Variants in LARP4B observed in about 807,000 individuals in gnomAD.
The protein encoded by LARP4B is la-related protein 4B.
In LARP4B, 12 loss-of-function variants were observed where a neutral mutation model predicts 89.8. That is an observed-to-expected ratio of 0.13 (90% confidence interval 0.09 to 0.22). The LOEUF (loss-of-function observed/expected upper bound fraction) is 0.22. Among genes scored for constraint, LARP4B ranks in the 10% least tolerant of loss-of-function variants. The pLI, the probability that LARP4B is intolerant of heterozygous loss-of-function variation, is 1.00. For missense variants in LARP4B, 757 were observed against 947.7 expected (o/e 0.80, Z 2.64); for synonymous variants, 367 against 363.3 (o/e 1.01, Z -0.12).
At chr10:909,061 G>A (rs1420915654) in intron 1 of LARP4B, among the ~76,000 whole-genome samples, 5 of 152,050 alleles carry the variant, frequency 3.3e-5, no homozygotes, top group South Asian at 4.2e-4. Context: ...TTGGGAGGCT[G>A]AGGCGGGCAG....
chr10:921,712 TAC>T (rs1836984446), intron 1 of LARP4B, among the ~76,000 whole-genome samples: 1 of 152,220 alleles, frequency 6.6e-6, no homozygotes, highest in African/African-American at 2.4e-5. Context: ...TCAATGCTTC[TAC>T]AGTTTATTTG....
At chr10:849,507 GTAAA>G (rs1259308721) in intron 5 of LARP4B, among the ~76,000 whole-genome samples, 4 of 152,166 alleles carry the variant, frequency 2.6e-5, no homozygotes, top group Non-Finnish European at 5.9e-5. Flanking sequence ...AGTTGAATAA[GTAAA>G]TAAATAAAGG....
At chr10:856,707 C>A (rs919438750) in intron 5 of LARP4B, among the ~76,000 whole-genome samples, 6 of 152,162 alleles carry the variant, frequency 3.9e-5, no homozygotes, top group African/African-American at 1.4e-4. Flanking sequence ...TCGATCAGGT[C>A]CTCACAGGGA....
At chr10:858,958 C>A (rs1174462265) in intron 5 of LARP4B, among the ~76,000 whole-genome samples, 1 of 152,028 alleles carries the variant, frequency 6.6e-6, no homozygotes, top group East Asian at 1.9e-4. Context: ...TCGAACCCAG[C>A]CTGGACAACA....
chr10:873,235 A>C, intron 3 of LARP4B: 1 of 985,404 alleles, frequency 1.0e-6, no homozygotes, highest in Non-Finnish European at 1.2e-6. Flanking sequence ...TCTGAGGAGA[A>C]GCCAACACCC....
chr10:898,599 GA>G (rs1836253240), intron 1 of LARP4B, among the ~76,000 whole-genome samples: 2 of 152,256 alleles, frequency 1.3e-5, no homozygotes, highest in East Asian at 3.9e-4. Flanking sequence ...TAATTTCTAA[GA>G]AAATCAAAAT....
rs1260886669 is a variant in LARP4B, at chr10:814,763, C to T, written c.1908G>A (p.Val636=). 1 of 1,599,800 alleles carries T rather than the reference C, an allele frequency of 6.3e-7. No individual in the cohort carries two copies. Residue 636 remains valine (V), a synonymous_variant, in exon 17 of 18, where the codon GTG becomes GTA. Coordinates refer to ENST00000316157, the MANE Select transcript of LARP4B (RefSeq NM_015155.3). This position sits in a 1 kb window ranked among gnomAD's most constrained non-coding sequence, Gnocchi z 4.4. ...SALTATACKS[V]QVNGAATELR... ...GTACCGTGGCGGCTCCGTTCACCTG[C>T]ACCGATTTACACGCGGTCGCAGTGA...
intron 3 of LARP4B, chr10:870,048 C>T (rs1167033956): frequency 1.0e-6 from 1 of 985,618 alleles, no homozygotes; most frequent in Non-Finnish European, 1.2e-6. Context: ...CCCCAAACAA[C>T]ACCGTCCTCT....
chr10:847,901 G>A (rs955192358), intron 5 of LARP4B, among the ~76,000 whole-genome samples: 2 of 152,206 alleles, frequency 1.3e-5, no homozygotes, highest in Admixed American at 6.5e-5. Context: ...CTGTGCCCAG[G>A]GAGTGGGAAG....
the LARP4B span, among the ~76,000 whole-genome samples, chr10:947,415 C>G: frequency 6.6e-6 from 1 of 152,066 alleles, no homozygotes; most frequent in Non-Finnish European, 1.5e-5. Flanking sequence ...GAGGCCATCA[C>G]AACCCCGTCC....
chr10:912,162 G>C (rs1001725005), intron 1 of LARP4B, among the ~76,000 whole-genome samples: 7 of 152,154 alleles, frequency 4.6e-5, no homozygotes, highest in African/African-American at 1.7e-4. Context: ...ATTAATAAAA[G>C]TGGAATCCTT....
Position 887,090 on chromosome 10 carries a change from T to TCA in LARP4B, c.-39-1332_-39-1331dup, listed in dbSNP as rs35099061. ...CAACAAGAGTGAAACTCCACCTCACTCACACACACACACACACACAAAATG... is the reference window on the plus strand; with the variant it reads ...CAACAAGAGTGAAACTCCACCTCACTCACACACACACACACACACACAAAATG... On this transcript the variant is annotated intron_variant, in intron 1 of 17. Coordinates refer to ENST00000316157, the MANE Select transcript of LARP4B (RefSeq NM_015155.3). Among the ~76,000 whole-genome samples the TCA allele has an allele frequency of 1.7e-3, 258 of 148,618 alleles. 1 individual carries two copies. The highest frequency in any genetic ancestry group is 0.013 in the South Asian group (63 of 4,690).
chr10:852,567 AACCCAAACGTTT>A (rs1304297560), intron 5 of LARP4B, among the ~76,000 whole-genome samples: 1 of 152,226 alleles, frequency 6.6e-6, no homozygotes, highest in Non-Finnish European at 1.5e-5. Flanking sequence ...GACCAGAGAC[AACCCAAACGTTT>A]GTTCATTCTT....
the LARP4B span, among the ~76,000 whole-genome samples, chr10:955,637 G>A: frequency 1.3e-5 from 2 of 152,052 alleles, no homozygotes; most frequent in Admixed American, 6.6e-5. The surrounding 1 kb of genome is among the most constrained non-coding windows in gnomAD (Gnocchi z 5.2). Flanking sequence ...GGGAGTTTAC[G>A]TTTGCTAACA....
the LARP4B span, among the ~76,000 whole-genome samples, chr10:970,756 G>T: frequency 1.9e-4 from 29 of 152,116 alleles, no homozygotes; most frequent in South Asian, 5.6e-3. Context: ...CTGTAAGACC[G>T]GACTGAGCAT....
Position 836,873 on chromosome 10 carries a change from G to C in LARP4B, c.647-367C>G, listed in dbSNP as rs80136711. On this transcript the variant is annotated intron_variant, in intron 7 of 17. Coordinates refer to ENST00000316157, the MANE Select transcript of LARP4B (RefSeq NM_015155.3). ...CCCTGATGATCATCCCTCACCTAAC[G>C]GTCGTGCACTGTTTACATTAGGATG... 2.6e-5 allele frequency among the ~76,000 whole-genome samples: 4 copies of C among 152,220 alleles called. No individual in the cohort carries two copies. The South Asian group carries it at 8.3e-4, about 32-fold the overall frequency.
rs367849465 is a variant in LARP4B, at chr10:881,685, G to A, written c.141+2762C>T. ...GTAGATCCTTATGACCTCAAGGTGA[G>A]AACATTCAAAATGACCTTGCTTGAC... is the stretch of plus-strand genomic sequence containing the variant. On this transcript the variant is annotated intron_variant, in intron 3 of 17. Coordinates refer to ENST00000316157, the MANE Select transcript of LARP4B (RefSeq NM_015155.3). Among the ~76,000 whole-genome samples, 49 of 152,290 alleles carry A rather than the reference G, an allele frequency of 3.2e-4. No homozygotes were observed. The South Asian group carries it at 9.8e-3, about 30-fold the overall frequency.
At chr10:908,589 GCCC>G (rs1836564585) in intron 1 of LARP4B, among the ~76,000 whole-genome samples, 1 of 152,208 alleles carries the variant, frequency 6.6e-6, no homozygotes, top group African/African-American at 2.4e-5. Context: ...AGGGGAGGGT[GCCC>G]CACTGGTGTC....
chr10:877,325 G>C (rs965726764), intron 3 of LARP4B, among the ~76,000 whole-genome samples: 1 of 152,110 alleles, frequency 6.6e-6, no homozygotes, highest in Non-Finnish European at 1.5e-5. Flanking sequence ...AGGCTGCAGT[G>C]AGCTATTACT....
Sources: gnomAD v4.1 joint callset for allele counts (sites outside exome capture counted in the v4.1 genomes callset) on GRCh38, gnomAD v4.1.1 for gene constraint, Gnocchi (gnomAD v3.1) non-coding constraint, MANE v1.5 for transcripts, NCBI Gene and HGNC (gene_info 2026-07-23, HGNC 2026-07-21) for gene names.